Variants in CDK14 observed in about 807,000 individuals in gnomAD.
The protein encoded by CDK14 is cyclin-dependent kinase 14.
A neutral mutation model predicts 60.7 loss-of-function variants in CDK14; 34 were observed. That is an observed-to-expected ratio of 0.56 (90% CI 0.43 to 0.75). CDK14 has a LOEUF of 0.75. CDK14 is among the 30% of genes least tolerant of loss of function. The pLI is 0.00. For missense variants in CDK14, 482 were observed against 564.1 expected (o/e 0.85, Z 1.47); for synonymous variants, 197 against 203.7 (o/e 0.97, Z 0.28).
At chr7:90,665,550 T>C (rs1800961755) in intron 2 of CDK14, among the ~76,000 whole-genome samples, 1 of 152,174 alleles carries the variant, frequency 6.6e-6, no homozygotes, top group Non-Finnish European at 1.5e-5. Flanking sequence ...GGGTTATTAA[T>C]TGAAAGTGCA....
chr7:90,984,828 C>A (rs1274467130), intron 10 of CDK14, among the ~76,000 whole-genome samples: 1 of 152,170 alleles, frequency 6.6e-6, no homozygotes, highest in Non-Finnish European at 1.5e-5. Flanking sequence ...AAAAATATAT[C>A]ACACAAGCCA....
intron 4 of CDK14, among the ~76,000 whole-genome samples, chr7:90,749,055 A>C (rs959521271): frequency 1.3e-5 from 2 of 152,216 alleles, no homozygotes. Flanking sequence ...CATGTTTCTT[A>C]AGTTTAGAAG....
In CDK14 at chr7:90,710,021, A is replaced by C. The variant is rs1802002079; in HGVS notation, c.124-16546A>C. On this transcript the variant is annotated intron_variant, in intron 2 of 14. Coordinates refer to ENST00000380050, the MANE Select transcript of CDK14 (RefSeq NM_001287135.2). ...AATTTGGAGCATCTCGGCAAGTCTG[A>C]ATCCTGACTCACTCATTTACAACTT... is the stretch of plus-strand genomic sequence containing the variant. 4.4e-6 allele frequency: 4 copies of C among 910,458 alleles called. No homozygotes were observed. In the South Asian group the frequency reaches 2.0e-4, roughly 46 times the overall value. 56.4% of individuals were successfully genotyped at this position (910,458 alleles called of 1,614,324 possible).
chr7:90,805,118 A>G (rs965957342), intron 5 of CDK14, among the ~76,000 whole-genome samples: 3 of 152,096 alleles, frequency 2.0e-5, no homozygotes, highest in Admixed American at 1.3e-4. Flanking sequence ...TTCAAAGATA[A>G]TACATTCTTC....
chr7:91,001,517 C>A (rs1795833475), intron 10 of CDK14, among the ~76,000 whole-genome samples: 1 of 152,172 alleles, frequency 6.6e-6, no homozygotes, highest in South Asian at 2.1e-4. Context: ...AATGGAAATA[C>A]AATATGAAGC....
intron 14 of CDK14, among the ~76,000 whole-genome samples, chr7:91,139,380 G>A (rs1446301821): frequency 6.6e-6 from 1 of 152,120 alleles, no homozygotes; most frequent in Admixed American, 6.5e-5. Context: ...GTGTGCATGT[G>A]CATTTATATC....
At chr7:90,743,577 T>C (rs1401996175) in intron 3 of CDK14, among the ~76,000 whole-genome samples, 6 of 152,166 alleles carry the variant, frequency 3.9e-5, no homozygotes, top group Non-Finnish European at 8.8e-5. Context: ...GCTTGCTCTG[T>C]CGATTAGTAG....
At chr7:91,162,586 G>A (rs1042003639) in intron 14 of CDK14, among the ~76,000 whole-genome samples, 5 of 152,306 alleles carry the variant, frequency 3.3e-5, no homozygotes, top group African/African-American at 4.8e-5. Flanking sequence ...AGCAAAGGCC[G>A]CAAGGTCAGA....
intron 10 of CDK14, among the ~76,000 whole-genome samples, chr7:90,989,841 T>C (rs906502568): frequency 6.6e-6 from 1 of 152,162 alleles, no homozygotes; most frequent in Non-Finnish European, 1.5e-5. Context: ...GTAACCATTT[T>C]TAATTTTTTT....
intron 14 of CDK14, among the ~76,000 whole-genome samples, chr7:91,194,348 C>T (rs370887765): frequency 3.1e-4 from 47 of 151,940 alleles, no homozygotes; most frequent in African/African-American, 1.0e-3. Context: ...GCTCATCATG[C>T]GTGACATCTC....
At chr7:90,665,664 C>T (rs948073858) in intron 2 of CDK14, among the ~76,000 whole-genome samples, 2 of 152,088 alleles carry the variant, frequency 1.3e-5, no homozygotes, top group East Asian at 1.9e-4. Flanking sequence ...ATTCAGGCAT[C>T]AGGGAAAAAG....
chr7:91,200,519 T>C (rs1477005686), intron 14 of CDK14, among the ~76,000 whole-genome samples: 1 of 152,226 alleles, frequency 6.6e-6, no homozygotes, highest in Non-Finnish European at 1.5e-5. Flanking sequence ...TGTGAAACCT[T>C]CTTGACATGG....
intron 2 of CDK14, among the ~76,000 whole-genome samples, chr7:90,668,613 T>A (rs576967705): frequency 7.4e-6 from 1 of 135,190 alleles, no homozygotes; most frequent in Non-Finnish European, 1.6e-5. Flanking sequence ...CTTTATTTTC[T>A]TCTGAGAGTT....
chr7:91,091,163 A>T (rs1464564187), intron 12 of CDK14, among the ~76,000 whole-genome samples: 1 of 151,404 alleles, frequency 6.6e-6, no homozygotes, highest in East Asian at 1.9e-4. Flanking sequence ...TGAGAGGCCA[A>T]GGTGGACAGA....
intron 10 of CDK14, among the ~76,000 whole-genome samples, chr7:91,045,440 C>A (rs1208421205): frequency 1.3e-5 from 2 of 152,038 alleles, no homozygotes; most frequent in South Asian, 4.1e-4. Flanking sequence ...AGCTGTCGAC[C>A]CTGCCTCTTT....
chr7:91,032,723 T>C (rs986237242), intron 10 of CDK14, among the ~76,000 whole-genome samples: 12 of 152,202 alleles, frequency 7.9e-5, no homozygotes, highest in Non-Finnish European at 7.4e-5. Flanking sequence ...TTTCAGCCCA[T>C]TGAAAACAAG....
chr7:91,091,995 T>G (rs1798846647), intron 12 of CDK14, among the ~76,000 whole-genome samples: 1 of 152,070 alleles, frequency 6.6e-6, no homozygotes, highest in African/African-American at 2.4e-5. Flanking sequence ...AAGTTATAAG[T>G]AGTTGGACCC....
Position 90,715,367 on chromosome 7 carries a change from C to A in CDK14, c.124-11200C>A, listed in dbSNP as rs556949924. Among the ~76,000 whole-genome samples the A allele has an allele frequency of 1.8e-4, 28 of 152,090 alleles. 1 individual carries two copies. The South Asian group carries it at 5.8e-3, about 32-fold the overall frequency. ...GTGTATAGGTAGAAAGCGTCCTGGA[C>A]CATATTATTGATTTCAAGTCTATGA... On this transcript the variant is annotated intron_variant, in intron 2 of 14. Coordinates refer to ENST00000380050, the MANE Select transcript of CDK14 (RefSeq NM_001287135.2).
At chr7:90,906,763 G>GAAA (rs891171101) in intron 7 of CDK14, among the ~76,000 whole-genome samples, 2 of 151,762 alleles carry the variant, frequency 1.3e-5, no homozygotes, top group Non-Finnish European at 2.9e-5. Flanking sequence ...ATGAAGGGGA[G>GAAA]AAAAAAAGAA....
Sources: allele counts gnomAD v4.1 joint callset (sites outside exome capture counted in the v4.1 genomes callset), GRCh38; gene constraint gnomAD v4.1.1; transcripts MANE v1.5; gene names NCBI Gene and HGNC (gene_info 2026-07-23, HGNC 2026-07-21).